Variants in LIN28B observed in about 807,000 individuals in gnomAD.
LIN28B encodes lin-28 RNA binding posttranscriptional regulator B.
Under a neutral mutation model 21.9 loss-of-function variants are expected in LIN28B, and 5 were observed. That is an observed-to-expected ratio of 0.23 (90% CI 0.12 to 0.48). The LOEUF is 0.48. Ranked by LOEUF, LIN28B falls within the 20% of genes least tolerant of loss-of-function variation. The pLI is 0.98. For synonymous variants in LIN28B, 109 were observed against 111.3 expected, an observed-to-expected ratio of 0.98 and a Z score of 0.13; for missense variants, 245 against 310.5, an observed-to-expected ratio of 0.79 and a Z score of 1.58.
chr6:105,067,144 T>C (rs1439359831), intron 3 of LIN28B, among the ~76,000 whole-genome samples: 3 of 152,212 alleles, frequency 2.0e-5, no homozygotes, highest in Non-Finnish European at 1.5e-5. Flanking sequence ...TATAATCTGA[T>C]TCTTCCATCT....
intron 2 of LIN28B, among the ~76,000 whole-genome samples, chr6:104,974,816 A>G (rs2114595908): frequency 1.3e-5 from 2 of 151,766 alleles, no homozygotes; most frequent in South Asian, 4.2e-4. Flanking sequence ...TTGAATTATT[A>G]TTATTATTAT....
chr6:104,946,165 A>G (rs1417158257), intron 2 of LIN28B, among the ~76,000 whole-genome samples: 1 of 152,022 alleles, frequency 6.6e-6, no homozygotes, highest in African/African-American at 2.4e-5. Flanking sequence ...TCTCTTGATA[A>G]TTGTAAAAAT....
intron 2 of LIN28B, among the ~76,000 whole-genome samples, chr6:104,968,509 A>C (rs1052380976): frequency 6.6e-6 from 1 of 152,222 alleles, no homozygotes; most frequent in African/African-American, 2.4e-5. Context: ...CACTTTAAAA[A>C]ATCAAAACCC....
At chr6:104,977,915 T>C (rs554358774) in intron 2 of LIN28B, among the ~76,000 whole-genome samples, 46 of 152,224 alleles carry the variant, frequency 3.0e-4, no homozygotes, top group Admixed American at 8.5e-4. Flanking sequence ...TCTTGAACAA[T>C]GAAAAAAAGC....
At chr6:105,000,994 G>T in intron 2 of LIN28B, among the ~76,000 whole-genome samples, 1 of 145,650 alleles carries the variant, frequency 6.9e-6, no homozygotes, top group South Asian at 2.1e-4. Context: ...TATATATATT[G>T]ACATTTATGT....
intron 2 of LIN28B, among the ~76,000 whole-genome samples, chr6:104,972,417 G>A (rs1014876315): frequency 6.6e-6 from 1 of 152,172 alleles, no homozygotes; most frequent in African/African-American, 2.4e-5. Flanking sequence ...AGTGAAAGGG[G>A]AAAAGTTGAG....
intron 2 of LIN28B, among the ~76,000 whole-genome samples, chr6:104,998,352 T>C (rs1770654341): frequency 6.6e-6 from 1 of 152,188 alleles, no homozygotes; most frequent in African/African-American, 2.4e-5. Context: ...TTTGTTTAGA[T>C]TTTTCAGTGT....
chr6:105,000,784 A>G (rs1253998819), intron 2 of LIN28B, among the ~76,000 whole-genome samples: 1 of 152,174 alleles, frequency 6.6e-6, no homozygotes, highest in Non-Finnish European at 1.5e-5. Context: ...ATATTCACTC[A>G]TCTAATTCTT....
chr6:104,944,892 C>A (rs182791494), intron 2 of LIN28B, among the ~76,000 whole-genome samples: 1 of 152,024 alleles, frequency 6.6e-6, no homozygotes, highest in East Asian at 1.9e-4. Context: ...TTTTTCTTAG[C>A]GGAACAAAAG....
chr6:104,994,690 A>G (rs2114277620), intron 2 of LIN28B, among the ~76,000 whole-genome samples: 1 of 152,336 alleles, frequency 6.6e-6, no homozygotes, highest in African/African-American at 2.4e-5. Flanking sequence ...CTCAACAGAG[A>G]AGGCATTACA....
chr6:105,012,483 A>G (rs1364749263), intron 2 of LIN28B, among the ~76,000 whole-genome samples: 5 of 151,992 alleles, frequency 3.3e-5, no homozygotes, highest in Non-Finnish European at 7.4e-5. Flanking sequence ...AAAAAAAACA[A>G]AAACAAACAA....
intron 2 of LIN28B, among the ~76,000 whole-genome samples, chr6:105,023,597 ATATATAAAAT>A (rs1771215428): frequency 1.6e-5 from 1 of 62,478 alleles, no homozygotes; most frequent in South Asian, 4.1e-4. Flanking sequence ...TATATATTAT[ATATATAAAAT>A]ATATAATATA....
chr6:105,062,210 ATTTTAAAATAAC>A (rs1411732707), intron 3 of LIN28B, among the ~76,000 whole-genome samples: 11 of 152,000 alleles, frequency 7.2e-5, no homozygotes, highest in Non-Finnish European at 1.0e-4. Flanking sequence ...AACCTTACTC[ATTTTAAAATAAC>A]TTTTAAGTAC....
chr6:105,041,432 C>A (rs974125140), intron 3 of LIN28B, among the ~76,000 whole-genome samples: 4 of 151,872 alleles, frequency 2.6e-5, no homozygotes, highest in Non-Finnish European at 5.9e-5. Context: ...TATCTTCAGT[C>A]TTTATTTTTA....
At chr6:104,986,788 C>T (rs999024256) in intron 2 of LIN28B, among the ~76,000 whole-genome samples, 6 of 152,136 alleles carry the variant, frequency 3.9e-5, no homozygotes, top group Admixed American at 3.3e-4. Context: ...TTGTTGCAAT[C>T]CAAAACCAGT....
intron 3 of LIN28B, among the ~76,000 whole-genome samples, chr6:105,055,835 A>G (rs2114393351): frequency 6.6e-6 from 1 of 150,376 alleles, no homozygotes; most frequent in African/African-American, 2.4e-5. Flanking sequence ...TGGCATGATC[A>G]TGGCTCACTG....
Position 105,082,709 on chromosome 6 carries a change from G to A in LIN28B, c.*3926G>A, listed in dbSNP as rs1457760832. On this transcript the variant is annotated 3_prime_UTR_variant, in exon 4 of 4. Coordinates refer to ENST00000345080, the MANE Select transcript of LIN28B (RefSeq NM_001004317.4). ...TGGTTGTATGATCTGTGTCTTAATTGTTCAGTTAGAGTGAGAAGTTGACCT... is the reference window on the plus strand; with the variant it reads ...TGGTTGTATGATCTGTGTCTTAATTATTCAGTTAGAGTGAGAAGTTGACCT... 1 of 152,594 alleles carries A rather than the reference G, an allele frequency of 6.6e-6. No homozygotes were observed. Among genetic ancestry groups the A allele is most frequent in the African/African-American group, 2.4e-5 (1 of 41,452 alleles). The allele number at this position is 152,594 out of a possible 1,614,324, so 9.5% of individuals were successfully genotyped here. A position where few individuals can be genotyped will look rare whatever the true frequency, so the allele number is the denominator to read the frequency against.
chr6:104,953,602 T>C (rs1203379475), upstream of LIN28B, among the ~76,000 whole-genome samples: 1 of 152,048 alleles, frequency 6.6e-6, no homozygotes, highest in Non-Finnish European at 1.5e-5. Context: ...GGAGAGGAGA[T>C]GGTAAAGTGA....
At chr6:105,005,058 T>C (rs1770791347) in intron 2 of LIN28B, among the ~76,000 whole-genome samples, 1 of 152,184 alleles carries the variant, frequency 6.6e-6, no homozygotes, top group Non-Finnish European at 1.5e-5. Flanking sequence ...GAGGCAAACT[T>C]TTAAAGACTC....
Sources: allele counts gnomAD v4.1 joint callset (sites outside exome capture counted in the v4.1 genomes callset), GRCh38; gene constraint gnomAD v4.1.1; transcripts MANE v1.5; gene names NCBI Gene and HGNC (gene_info 2026-07-23, HGNC 2026-07-21).